Variants in CMC2 observed in about 807,000 individuals in gnomAD.
CMC2 encodes C-X9-C motif containing 2.
Under a neutral mutation model 7.5 loss-of-function variants are expected in CMC2, and 5 were observed. The observed-to-expected ratio is 0.66, with a 90% CI of 0.35 to 1.40. CMC2 has a LOEUF of 1.40. Ranked by LOEUF, CMC2 falls within the 40% of genes most tolerant of loss-of-function variation. CMC2 has a pLI of 0.04. For missense variants in CMC2, 115 were observed against 92.3 expected, an observed-to-expected ratio of 1.25 and a Z score of -1.01; for synonymous variants, 37 against 31.4, an observed-to-expected ratio of 1.18 and a Z score of -0.60.
intron 3 of CMC2, among the ~76,000 whole-genome samples, chr16:80,977,385 C>T (rs1300925787): frequency 6.6e-6 from 1 of 152,166 alleles, no homozygotes; most frequent in Non-Finnish European, 1.5e-5. Context: ...ATAATACATA[C>T]ACCAATCCAA....
At chr16:80,995,861 A>C (rs1204233383) in intron 2 of CMC2, among the ~76,000 whole-genome samples, 2 of 152,200 alleles carry the variant, frequency 1.3e-5, no homozygotes, top group Non-Finnish European at 2.9e-5. Context: ...GTATCTATAT[A>C]TGACAAAACT....
At chr16:80,988,943 G>A (rs145005894) in intron 2 of CMC2, among the ~76,000 whole-genome samples, 1 of 152,014 alleles carries the variant, frequency 6.6e-6, no homozygotes, top group Non-Finnish European at 1.5e-5. Context: ...CCCCCACGTG[G>A]GTTTGTCTGG....
At chr16:80,985,046 C>A (rs1039790524) in intron 2 of CMC2, among the ~76,000 whole-genome samples, 2 of 152,146 alleles carry the variant, frequency 1.3e-5, no homozygotes, top group Admixed American at 6.6e-5. Context: ...GAACCTTTTA[C>A]ATAAAGAACA....
intron 2 of CMC2, among the ~76,000 whole-genome samples, chr16:80,986,159 G>T (rs1010930934): frequency 1.2e-4 from 18 of 152,156 alleles, no homozygotes; most frequent in Admixed American, 3.3e-4. Flanking sequence ...GCCAGCCTGG[G>T]CTAACATGGT....
chr16:81,001,855 C>A (rs1968891873), intron 1 of CMC2, among the ~76,000 whole-genome samples: 2 of 152,102 alleles, frequency 1.3e-5, no homozygotes, highest in Admixed American at 1.3e-4. Context: ...CACACACACA[C>A]ACACACACAC....
In CMC2 at chr16:80,997,775, A is replaced by AT. The variant is rs1278665010; in HGVS notation, c.-35-347dup. ...GCCACATTCTCGAAATTAACAACTC[A>AT]TTTTGTTCAGATGAAATTCTACCAA... On this transcript the variant is annotated intron_variant, in intron 1 of 3. Transcript: ENST00000219400. 2.5e-4 allele frequency: 40 copies of AT among 160,754 alleles called. 1 individual carries two copies. The highest frequency in any genetic ancestry group is 3.1e-3 in the Middle Eastern group (1 of 318). 10.0% of individuals were successfully genotyped at this position (160,754 alleles called of 1,614,324 possible). A position where few individuals can be genotyped will look rare whatever the true frequency, so the allele number is the denominator to read the frequency against.
chr16:80,987,249 T>A (rs1186103724), intron 2 of CMC2, among the ~76,000 whole-genome samples: 1 of 152,124 alleles, frequency 6.6e-6, no homozygotes, highest in Non-Finnish European at 1.5e-5. Flanking sequence ...TATGTATTTA[T>A]TTTCTCACGA....
At chr16:81,000,196 C>G (rs774283653) in intron 1 of CMC2, among the ~76,000 whole-genome samples, 2 of 151,998 alleles carry the variant, frequency 1.3e-5, no homozygotes, top group Non-Finnish European at 2.9e-5. Flanking sequence ...ATAAATAATC[C>G]CATTAAAAAG....
At chr16:80,995,512 C>G (rs1362041199) in intron 2 of CMC2, among the ~76,000 whole-genome samples, 1 of 152,040 alleles carries the variant, frequency 6.6e-6, no homozygotes, top group African/African-American at 2.4e-5. Flanking sequence ...AAAAAATTAG[C>G]CAGGCCTGGT....
Position 80,966,580 on chromosome 16 carries a change from T to C in CMC2, c.*9513A>G, listed in dbSNP as rs1191679512. 1 of 152,190 alleles carries C rather than the reference T, an allele frequency of 6.6e-6. No individual in the cohort carries two copies. Among genetic ancestry groups the C allele is most frequent in the African/African-American group, 2.4e-5 (1 of 41,434 alleles). 9.4% of individuals were successfully genotyped at this position (152,190 alleles called of 1,614,324 possible). ...AACTTTAAAACGTGATATTTTATAATACCAATTTCAAAACAATATTATTTT... is the reference window on the plus strand; with the variant it reads ...AACTTTAAAACGTGATATTTTATAACACCAATTTCAAAACAATATTATTTT... On this transcript the variant is annotated 3_prime_UTR_variant, in exon 4 of 4. Transcript: ENST00000219400.
chr16:80,985,900 G>C (rs1355474522), intron 2 of CMC2, among the ~76,000 whole-genome samples: 1 of 7,612 alleles, frequency 1.3e-4, no homozygotes, highest in African/African-American at 2.8e-4. Flanking sequence ...CCATATACCT[G>C]CAAAAAAAAA....
At chr16:81,006,657 T>C (rs1161891216) in intron 1 of CMC2, 77 bp downstream of exon 1, 2 of 966,418 alleles carry the variant, frequency 2.1e-6, no homozygotes, top group Non-Finnish European at 2.5e-6. Flanking sequence ...AGGAAGGGGC[T>C]CGGCGGGACG....
At chr16:81,003,293 T>C (rs915920897) in intron 1 of CMC2, among the ~76,000 whole-genome samples, 2 of 152,252 alleles carry the variant, frequency 1.3e-5, no homozygotes, top group Non-Finnish European at 2.9e-5. Flanking sequence ...AAACGCTAAA[T>C]ACGTATTCCA....
intron 2 of CMC2, among the ~76,000 whole-genome samples, chr16:80,995,745 T>C (rs1968366192): frequency 6.6e-6 from 1 of 152,140 alleles, no homozygotes; most frequent in Non-Finnish European, 1.5e-5. Flanking sequence ...AGTAGTGCAG[T>C]GGTTACCTGG....
chr16:81,003,375 T>C (rs1271246556), intron 1 of CMC2, among the ~76,000 whole-genome samples: 1 of 152,264 alleles, frequency 6.6e-6, no homozygotes, highest in African/African-American at 2.4e-5. Context: ...AATAATTTGT[T>C]GAACACTTGC....
intron 2 of CMC2, among the ~76,000 whole-genome samples, chr16:80,986,331 CAGAG>C (rs968238953): frequency 6.6e-6 from 1 of 151,936 alleles, no homozygotes; most frequent in African/African-American, 2.4e-5. Flanking sequence ...GCCTGGGCGA[CAGAG>C]AGAAACTCTG....
chr16:80,995,217 T>G (rs901513741), intron 2 of CMC2, among the ~76,000 whole-genome samples: 1 of 148,998 alleles, frequency 6.7e-6, no homozygotes, highest in Non-Finnish European at 1.5e-5. Context: ...AACTGTTTAT[T>G]TGCCTAAATG....
intron 3 of CMC2, among the ~76,000 whole-genome samples, chr16:80,981,269 T>G (rs370016711): frequency 6.6e-6 from 1 of 152,224 alleles, no homozygotes; most frequent in Non-Finnish European, 1.5e-5. Flanking sequence ...CAATGAACTG[T>G]GTACTGTGGC....
intron 3 of CMC2, among the ~76,000 whole-genome samples, chr16:80,977,744 G>T (rs1912593617): frequency 6.6e-6 from 1 of 152,144 alleles, no homozygotes; most frequent in African/African-American, 2.4e-5. Context: ...TTCTGGAATG[G>T]TAGTTTTCAA....
Sources: allele counts gnomAD v4.1 joint callset (sites outside exome capture counted in the v4.1 genomes callset), GRCh38; gene constraint gnomAD v4.1.1; transcripts MANE v1.5; gene names NCBI Gene and HGNC (gene_info 2026-07-23, HGNC 2026-07-21).